SUN2: variants seen among roughly 807,000 people sequenced by gnomAD.
SUN2 encodes the protein SUN domain-containing protein 2.
A neutral mutation model predicts 100.0 loss-of-function variants in SUN2; 60 were observed. The observed-to-expected ratio is 0.60, with a 90% CI of 0.49 to 0.74. SUN2 has a LOEUF of 0.74. Among genes scored for constraint, SUN2 ranks in the 30% least tolerant of loss-of-function variants. The pLI is 0.00. For synonymous variants in SUN2, 367 were observed against 403.3 expected, an observed-to-expected ratio of 0.91 and a Z score of 1.08; for missense variants, 834 against 954.6, an observed-to-expected ratio of 0.87 and a Z score of 1.66.
At chr22:38,736,449 AGGG>A in intron 17 of SUN2, 69 bp from the exon 18 acceptor site, 1 of 1,348,696 alleles carries the variant, frequency 7.4e-7, no homozygotes, top group South Asian at 1.4e-5. Context: ...GAAGGTGGGA[AGGG>A]GAGACAGCCT....
At position 38,747,153 on chromosome 22, in the gene SUN2, G is replaced by A. The variant is rs377202354; in HGVS notation, c.686-1342C>T. Among the ~76,000 whole-genome samples, 103 of 151,400 alleles carry A rather than the reference G, an allele frequency of 6.8e-4. No individual in the cohort carries two copies. In the East Asian group the frequency reaches 0.016, roughly 24 times the overall value. On this transcript the variant is annotated intron_variant, in intron 7 of 17. Coordinates refer to ENST00000689035, the MANE Select transcript of SUN2 (RefSeq NM_015374.3). ...TTGAGACCAGACTGGCCAACATGGC[G>A]AAACCCCGTCTCTACTAAAAATATA...
rs1465864479 is a variant in SUN2 at position 38,741,478 on chromosome 22, C to T, written c.1146+16G>A. The T allele has an allele frequency of 1.2e-6, 2 of 1,613,160 alleles. No homozygotes were observed. Among genetic ancestry groups the T allele is most frequent in the South Asian group, 1.1e-5 (1 of 91,086 alleles). On this transcript the variant is annotated intron_variant, in intron 10 of 17. Coordinates refer to ENST00000689035, the MANE Select transcript of SUN2 (RefSeq NM_015374.3). ...AGGACCCAGTCACAGGCCCTGAGTGCCGCAAGCCCGCTGACCTGGGAGGCC... is the reference window on the plus strand; with the variant it reads ...AGGACCCAGTCACAGGCCCTGAGTGTCGCAAGCCCGCTGACCTGGGAGGCC...
At position 38,752,554 on chromosome 22, in the gene SUN2, G is replaced by T; in HGVS notation, c.75C>A (p.Ser25Arg). 6.2e-7 allele frequency: 1 copy of T among 1,613,952 alleles called. No homozygotes were observed. ...DDDGSSSSGG[S>R]SVAGSQSTLF... ...GGGTGCTCTGACTCCCAGCCACCGAGCTCCCTCCGCTGCTGCTGCTGCCGT... is the reference window on the plus strand; with the variant it reads ...GGGTGCTCTGACTCCCAGCCACCGATCTCCCTCCGCTGCTGCTGCTGCCGT... The change falls in exon 2 of 18, where the codon AGC becomes AGA. Residue 25 changes from serine (S) to arginine (R), a missense_variant. By Grantham distance (110) the Ser-to-Arg change is moderately radical. Around this residue, in one of 3 missense-constraint regions of SUN2, gnomAD observed 559 missense variants for 597.7 expected, o/e 0.94. Coordinates refer to ENST00000689035, the MANE Select transcript of SUN2 (RefSeq NM_015374.3).
In SUN2 at chr22:38,752,673, G is replaced by T. The variant is rs762147701; in HGVS notation, c.-37-8C>A. 2 of 1,604,604 alleles carry T rather than the reference G, an allele frequency of 1.2e-6. No homozygotes were observed. Among genetic ancestry groups the T allele is most frequent in the Admixed American group, 3.4e-5 (2 of 58,950 alleles). On this transcript the variant is annotated splice_polypyrimidine_tract_variant and splice_region_variant and intron_variant, in intron 1 of 17. Coordinates refer to ENST00000689035, the MANE Select transcript of SUN2 (RefSeq NM_015374.3). ...TCTTCCCCTGAAGAGAATCTAAGGA[G>T]AGAGAGGAGGAGGACTGGATGTGAG...
Position 38,742,466 on chromosome 22 carries a change from C to T in SUN2, c.903G>A (p.Glu301=). Residue 301 remains glutamate (E), a synonymous_variant, in exon 9 of 18, where the codon GAG becomes GAA. Coordinates refer to ENST00000689035, the MANE Select transcript of SUN2 (RefSeq NM_015374.3). ...AAEFSSNWQK[E]AMRLERLELR... is the part of the protein sequence containing the mutation. ...GCTCCAGACGTTCCAGCCGCATGGC[C>T]TCCTTCTGCCAGTTGGAGGAAAATT... is the stretch of plus-strand genomic sequence containing the variant. 6.2e-7 allele frequency: 1 copy of T among 1,613,698 alleles called. No homozygotes were observed. Among genetic ancestry groups the T allele is most frequent in the South Asian group, 1.1e-5 (1 of 91,086 alleles).
chr22:38,750,501 C>T lies in SUN2; in HGVS notation c.425-181G>A. 3.0e-6 allele frequency: 4 copies of T among 1,344,060 alleles called. No individual in the cohort carries two copies. In the South Asian group the frequency reaches 4.2e-5, roughly 14 times the overall value. The allele number at this position is 1,344,060 out of a possible 1,614,324, so 83.3% of individuals were successfully genotyped here. ...TTTGACATTCTGTTTCTTCTGACAGCTTCCTGTTTGCATCCCTCTCCTCAC... is the reference window on the plus strand; with the variant it reads ...TTTGACATTCTGTTTCTTCTGACAGTTTCCTGTTTGCATCCCTCTCCTCAC... On this transcript the variant is annotated intron_variant, in intron 4 of 17. Transcript: ENST00000689035.
chr22:38,752,778 C>T (rs553646234), intron 1 of SUN2, 113 bp from the exon 2 acceptor site: 92 of 1,158,102 alleles, frequency 7.9e-5, no homozygotes, highest in South Asian at 3.3e-4. Context: ...ACCACCCCCC[C>T]GGCCCCCGGC....
Position 38,748,770 on chromosome 22 carries a change from G to A in SUN2, c.628C>T (p.Leu210=), listed in dbSNP as rs1229008286. The part of the protein sequence containing the change: ...VFVLTRRFSS[L]KTFLWFLLPL... The stretch of plus-strand genomic sequence containing the variant: ...AGCAGGAACCAGAGGAACGTCTTCA[G>A]GGACGAGAAGCGCCTGGACCACGCG... The change falls in exon 7 of 18, where the codon CTG becomes TTG. Residue 210 remains leucine (L), a synonymous_variant. Coordinates refer to ENST00000689035, the MANE Select transcript of SUN2 (RefSeq NM_015374.3). 11 of 1,614,250 alleles carry A rather than the reference G, an allele frequency of 6.8e-6. No individual in the cohort carries two copies. The highest frequency in any genetic ancestry group is 9.3e-6 in the Non-Finnish European group (11 of 1,180,040).
chr22:38,736,105 C>T lies in SUN2; in HGVS notation c.*162G>A. ...GAGCCTGCTAACCGCCTCGAGCCAC[C>T]TGCTGCTCAGGAGACCCTGCCCGTC... On this transcript the variant is annotated 3_prime_UTR_variant, in exon 18 of 18. Transcript: ENST00000689035. 1 of 726,400 alleles carries T rather than the reference C, an allele frequency of 1.4e-6. No individual in the cohort carries two copies. 45.0% of individuals were successfully genotyped at this position (726,400 alleles called of 1,614,324 possible).
In SUN2 at chr22:38,737,139, G is replaced by T. The variant is rs1231340350; in HGVS notation, c.2041-759C>A. On this transcript the variant is annotated intron_variant, in intron 17 of 17. Transcript: ENST00000689035. This position sits in a 1 kb window ranked among gnomAD's most constrained non-coding sequence, Gnocchi z 4.1. ...TGGAATTACAGACATGAGCCACCTC[G>T]TCTGGCCTCTATACTTTCCTAAAGA... Among the ~76,000 whole-genome samples the T allele has an allele frequency of 6.6e-6, 1 of 152,126 alleles. No individual in the cohort carries two copies. Among genetic ancestry groups the T allele is most frequent in the South Asian group, 2.1e-4 (1 of 4,834 alleles).
chr22:38,745,925 C>CTG (rs1192784871), intron 7 of SUN2, 114 bp from the exon 8 acceptor site: 1 of 1,460,414 alleles, frequency 6.8e-7, no homozygotes, highest in Non-Finnish European at 9.2e-7. Context: ...ACTCGTGGAG[C>CTG]TGTGCCCTTC....
At chr22:38,751,094 T>C in intron 3 of SUN2, 59 bp from the exon 4 acceptor site, 1 of 1,609,924 alleles carries the variant, frequency 6.2e-7, no homozygotes, top group Non-Finnish European at 8.5e-7. Context: ...AAAAGTGGGG[T>C]CTGGGCAGAG....
chr22:38,747,097 C>T (rs893675593), intron 7 of SUN2, among the ~76,000 whole-genome samples: 2 of 151,758 alleles, frequency 1.3e-5, no homozygotes, highest in African/African-American at 2.4e-5. Context: ...TTCGGGAGGC[C>T]GAGGCAGGTG....
At position 38,739,566 on chromosome 22, in the gene SUN2, C is replaced by G; in HGVS notation, c.1579-140G>C. ...TGGTGCCCAGGCAGATGTGGGCACA[C>G]TGCCACCCACCCATGCCAGCCCCAC... On this transcript the variant is annotated intron_variant, in intron 13 of 17. Transcript: ENST00000689035. The surrounding 1 kb of genome is among the most constrained non-coding windows in gnomAD (Gnocchi z 6.7). The G allele has an allele frequency of 7.7e-7, 1 of 1,291,994 alleles. No homozygotes were observed. Among genetic ancestry groups the G allele is most frequent in the Non-Finnish European group, 1.1e-6 (1 of 916,070 alleles). The allele number at this position is 1,291,994 out of a possible 1,614,324, so 80.0% of individuals were successfully genotyped here. A position where few individuals can be genotyped will look rare whatever the true frequency, so the allele number is the denominator to read the frequency against.
Position 38,737,446 on chromosome 22 carries a change from C to T in SUN2, c.2040+727G>A, listed in dbSNP as rs931540029. 1.3e-5 allele frequency among the ~76,000 whole-genome samples: 2 copies of T among 152,144 alleles called. No individual in the cohort carries two copies. The highest frequency in any genetic ancestry group is 2.9e-5 in the Non-Finnish European group (2 of 68,014). ...CTGCTTTCCCTCAACCACTTCCTGA[C>T]GGGTCTCCCAGGCCCAGGCTCGCCC... is the stretch of plus-strand genomic sequence containing the variant. On this transcript the variant is annotated intron_variant, in intron 17 of 17. Transcript: ENST00000689035. This position sits in a 1 kb window ranked among gnomAD's most constrained non-coding sequence, Gnocchi z 4.1.
chr22:38,736,490 C>T, intron 17 of SUN2, 110 bp from the exon 18 acceptor site: 1 of 800,826 alleles, frequency 1.2e-6, no homozygotes, highest in Non-Finnish European at 1.9e-6. Flanking sequence ...CTCCCCTGCT[C>T]CTTCCCTGGG....
rs186407296 is a variant in SUN2 at position 38,744,419 on chromosome 22, T to A, written c.813+1265A>T. ...TAGTGAGACCCTGTCTCTACAAAAA[T>A]TTTTTTTAAAAATTTGACAGACATG... On this transcript the variant is annotated intron_variant, in intron 8 of 17. Coordinates refer to ENST00000689035, the MANE Select transcript of SUN2 (RefSeq NM_015374.3). Among the ~76,000 whole-genome samples, 101 of 151,766 alleles carry A rather than the reference T, an allele frequency of 6.7e-4. 1 individual carries two copies. Among genetic ancestry groups the A allele is most frequent in the African/African-American group, 2.2e-3 (90 of 41,392 alleles).
Position 38,736,147 on chromosome 22 carries a change from G to T in SUN2, c.*120C>A. 1 of 980,778 alleles carries T rather than the reference G, an allele frequency of 1.0e-6. No individual in the cohort carries two copies. Among genetic ancestry groups the T allele is most frequent in the East Asian group, 2.5e-5 (1 of 39,956 alleles). 60.8% of individuals were successfully genotyped at this position (980,778 alleles called of 1,614,324 possible). A position where few individuals can be genotyped will look rare whatever the true frequency, so the allele number is the denominator to read the frequency against. On this transcript the variant is annotated 3_prime_UTR_variant, in exon 18 of 18. Coordinates refer to ENST00000689035, the MANE Select transcript of SUN2 (RefSeq NM_015374.3). ...CTGCCCGTCCTTTTCATCTGCATGGGGCCACAGGCTCCTCTCTTGTGCTCC... is the reference window on the plus strand; with the variant it reads ...CTGCCCGTCCTTTTCATCTGCATGGTGCCACAGGCTCCTCTCTTGTGCTCC...
At chr22:38,754,542 G>T in intron 1 of SUN2, 1 of 1,008,012 alleles carries the variant, frequency 9.9e-7, no homozygotes, top group Non-Finnish European at 1.4e-6. Flanking sequence ...CCGATTGGTA[G>T]TAGGAAAAGC....
Sources: gnomAD v4.1 joint callset for allele counts (sites outside exome capture counted in the v4.1 genomes callset) on GRCh38, gnomAD v4.1.1 for gene constraint, gnomAD v4.1.1 regional missense constraint, Gnocchi (gnomAD v3.1) non-coding constraint, MANE v1.5 for transcripts, NCBI Gene and HGNC (gene_info 2026-07-23, HGNC 2026-07-21) for gene names.